The following KHDRBS2 variants were observed in gnomAD, a reference collection of about 807,000 sequenced individuals.
KHDRBS2 encodes the protein KH RNA binding domain containing, signal transduction associated 2, also known as KH domain-containing, RNA-binding, signal transduction-associated protein 2.
A neutral mutation model predicts 44.3 loss-of-function variants in KHDRBS2; 26 were observed. The observed-to-expected ratio is 0.59, with a 90% CI of 0.43 to 0.81. The LOEUF (loss-of-function observed/expected upper bound fraction) is 0.81, where lower values mean the gene tolerates loss of function less well. KHDRBS2 is among the 40% of genes least tolerant of loss of function. KHDRBS2 has a pLI of 0.00. For synonymous variants in KHDRBS2, 194 were observed against 151.1 expected, an observed-to-expected ratio of 1.28 and a Z score of -2.08; for missense variants, 476 against 433.1, an observed-to-expected ratio of 1.10 and a Z score of -0.88.
intron 6 of KHDRBS2, among the ~76,000 whole-genome samples, chr6:61,828,351 A>G (rs1473812785): frequency 6.6e-6 from 1 of 152,162 alleles, no homozygotes. Context: ...GAGGGTAGAA[A>G]ATAAGGATTT....
the KHDRBS2 span, among the ~76,000 whole-genome samples, chr6:61,549,573 T>C: frequency 6.6e-6 from 1 of 152,116 alleles, no homozygotes; most frequent in Non-Finnish European, 1.5e-5. Context: ...TCCTCCTGTT[T>C]GGTTCTGCCT....
chr6:61,605,010 A>G, the KHDRBS2 span, among the ~76,000 whole-genome samples: 1 of 152,098 alleles, frequency 6.6e-6, no homozygotes, highest in Admixed American at 6.5e-5. Flanking sequence ...CTCAATCTTC[A>G]GAAAAGGTAG....
intron 2 of KHDRBS2, among the ~76,000 whole-genome samples, chr6:62,140,265 G>A (rs1812511927): frequency 6.6e-6 from 1 of 152,186 alleles, no homozygotes; most frequent in Admixed American, 6.5e-5. Flanking sequence ...AAGTATTTCT[G>A]TGTAGGAGAT....
At chr6:62,067,587 G>A (rs1794037364) in intron 2 of KHDRBS2, among the ~76,000 whole-genome samples, 1 of 151,472 alleles carries the variant, frequency 6.6e-6, no homozygotes, top group African/African-American at 2.4e-5. Context: ...TTGATATATA[G>A]TTTACGTACC....
the KHDRBS2 span, among the ~76,000 whole-genome samples, chr6:61,614,781 G>T: frequency 6.6e-6 from 1 of 152,152 alleles, no homozygotes. Context: ...TAAGAGCGCA[G>T]GTTCTGAATG....
At chr6:61,760,469 C>A (rs1164235001) in intron 6 of KHDRBS2, among the ~76,000 whole-genome samples, 1 of 151,788 alleles carries the variant, frequency 6.6e-6, no homozygotes, top group Non-Finnish European at 1.5e-5. Flanking sequence ...CTCAACTCTA[C>A]AAAAAATACA....
chr6:61,919,760 C>A (rs768967516), intron 4 of KHDRBS2, among the ~76,000 whole-genome samples: 3 of 151,798 alleles, frequency 2.0e-5, no homozygotes, highest in South Asian at 4.1e-4. Context: ...AACCATCACA[C>A]CTTTCAAATT....
intron 1 of KHDRBS2, among the ~76,000 whole-genome samples, chr6:62,282,718 T>C (rs1337608390): frequency 1.3e-5 from 2 of 152,148 alleles, no homozygotes; most frequent in African/African-American, 2.4e-5. Context: ...TTATTAATCA[T>C]TAAACTAGGA....
At chr6:61,686,302 G>A (rs916974164) in intron 8 of KHDRBS2, among the ~76,000 whole-genome samples, 3 of 151,658 alleles carry the variant, frequency 2.0e-5, no homozygotes, top group Non-Finnish European at 4.4e-5. Flanking sequence ...TAGTGTTTTT[G>A]CTTTGCAAAT....
chr6:62,224,144 T>A (rs1216818105), intron 1 of KHDRBS2, among the ~76,000 whole-genome samples: 2 of 152,130 alleles, frequency 1.3e-5, no homozygotes, highest in Non-Finnish European at 2.9e-5. Flanking sequence ...TGGGGAGGCC[T>A]CAGAATCATG....
chr6:62,060,668 A>G (rs1010039139), intron 2 of KHDRBS2, among the ~76,000 whole-genome samples: 3 of 151,684 alleles, frequency 2.0e-5, no homozygotes, highest in African/African-American at 7.2e-5. Flanking sequence ...CAAATTTAAA[A>G]GAGAAATATC....
chr6:61,950,095 A>G (rs575235538), intron 4 of KHDRBS2, among the ~76,000 whole-genome samples: 1 of 152,180 alleles, frequency 6.6e-6, no homozygotes, highest in East Asian at 1.9e-4. Flanking sequence ...GCATGACTAA[A>G]AATTCCTGTA....
the KHDRBS2 span, among the ~76,000 whole-genome samples, chr6:61,613,487 T>A: frequency 1.3e-5 from 2 of 152,202 alleles, no homozygotes; most frequent in African/African-American, 2.4e-5. Context: ...TTGTGTAAAA[T>A]CACATCCTAA....
At chr6:62,015,118 T>G (rs1374591806) in intron 3 of KHDRBS2, among the ~76,000 whole-genome samples, 1 of 152,144 alleles carries the variant, frequency 6.6e-6, no homozygotes, top group Non-Finnish European at 1.5e-5. Context: ...TTGTTATCTC[T>G]TTTTTCACCT....
intron 6 of KHDRBS2, among the ~76,000 whole-genome samples, chr6:61,841,330 TG>T (rs1583105750): frequency 6.6e-6 from 1 of 152,152 alleles, no homozygotes; most frequent in Non-Finnish European, 1.5e-5. Context: ...GCTTTCCATA[TG>T]GGAAATTTTG....
At chr6:61,840,737 C>T (rs774768670) in intron 6 of KHDRBS2, among the ~76,000 whole-genome samples, 48 of 152,136 alleles carry the variant, frequency 3.2e-4, no homozygotes, top group Non-Finnish European at 5.9e-4. Context: ...CTCAATGTTG[C>T]ATCCCAACTG....
chr6:62,050,623 T>A (rs1788798223), intron 2 of KHDRBS2, among the ~76,000 whole-genome samples: 1 of 151,808 alleles, frequency 6.6e-6, no homozygotes, highest in Non-Finnish European at 1.5e-5. Context: ...TACCCCAGAA[T>A]GGCTAAAACT....
At chr6:62,161,675 C>T (rs1817694583) in intron 2 of KHDRBS2, among the ~76,000 whole-genome samples, 2 of 148,154 alleles carry the variant, frequency 1.3e-5, no homozygotes, top group African/African-American at 5.0e-5. Context: ...TTGTTTTCTA[C>T]ATGTTTTATA....
intron 6 of KHDRBS2, among the ~76,000 whole-genome samples, chr6:61,847,683 C>A (rs1794611045): frequency 6.6e-6 from 1 of 152,028 alleles, no homozygotes; most frequent in African/African-American, 2.4e-5. Flanking sequence ...CTGTGATCTG[C>A]ATCATATTTT....
Sources: allele counts gnomAD v4.1 joint callset (sites outside exome capture counted in the v4.1 genomes callset), GRCh38; gene constraint gnomAD v4.1.1; transcripts MANE v1.5; gene names NCBI Gene and HGNC (gene_info 2026-07-23, HGNC 2026-07-21).